PUM1: variants seen among roughly 807,000 people sequenced by gnomAD.
The protein encoded by PUM1 is pumilio homolog 1.
A neutral mutation model predicts 131.8 loss-of-function variants in PUM1; 13 were observed. The ratio of observed to expected loss-of-function variants is 0.10; its 90% confidence interval spans 0.06 to 0.16. PUM1 has a LOEUF of 0.16. Among genes scored for constraint, PUM1 ranks in the 10% least tolerant of loss-of-function variants. The pLI is 1.00. For synonymous variants in PUM1, 509 were observed against 556.5 expected (o/e 0.91, Z 1.20); for missense variants, 961 against 1,512.4 (o/e 0.64, Z 6.05).
intron 7 of PUM1, among the ~76,000 whole-genome samples, chr1:30,983,737 G>A (rs1641440977): frequency 6.7e-6 from 1 of 149,764 alleles, no homozygotes; most frequent in Non-Finnish European, 1.5e-5. Context: ...CCAAGTAGCT[G>A]CGCATGTCAC....
At chr1:31,024,108 A>T (rs906796909) in intron 3 of PUM1, among the ~76,000 whole-genome samples, 3 of 152,162 alleles carry the variant, frequency 2.0e-5, no homozygotes, top group Non-Finnish European at 2.9e-5. Flanking sequence ...CTTAGACCTG[A>T]AAAGGTCCTA....
chr1:30,941,356 C>T, intron 19 of PUM1, 84 bp from the exon 20 acceptor site: 2 of 1,396,956 alleles, frequency 1.4e-6, no homozygotes. Context: ...TAATTAAAAC[C>T]TGTCTTTCTT....
At chr1:31,021,804 G>C (rs141298210) in intron 3 of PUM1, among the ~76,000 whole-genome samples, 5 of 152,232 alleles carry the variant, frequency 3.3e-5, no homozygotes, top group Admixed American at 6.5e-5. Context: ...TAGGGGAGCT[G>C]ATATCTGAAG....
At chr1:30,941,386 T>C (rs1234559932) in intron 19 of PUM1, 114 bp from the exon 20 acceptor site, 1 of 1,097,222 alleles carries the variant, frequency 9.1e-7, no homozygotes, top group African/African-American at 1.6e-5. Flanking sequence ...TAACGGTTTA[T>C]ATGAATACTA....
In PUM1 at chr1:30,974,818, G is replaced by A. The variant is rs1293753381; in HGVS notation, c.1355-16C>T. The A allele has an allele frequency of 6.3e-7, 1 of 1,592,844 alleles. No homozygotes were observed. The highest frequency in any genetic ancestry group is 8.6e-7 in the Non-Finnish European group (1 of 1,168,222). The stretch of plus-strand genomic sequence containing the variant: ...ACAGCTGGGCCTAAAAATAGCAAAA[G>A]AAAGGTAAAGAAAGTCTGAACTACT... On this transcript the variant is annotated splice_polypyrimidine_tract_variant and intron_variant, in intron 9 of 21. Coordinates refer to ENST00000426105, the MANE Select transcript of PUM1 (RefSeq NM_001020658.2).
chr1:31,043,721 C>A (rs930783761), intron 2 of PUM1, among the ~76,000 whole-genome samples: 1 of 152,110 alleles, frequency 6.6e-6, no homozygotes, highest in African/African-American at 2.4e-5. Flanking sequence ...CTCCTCTTCC[C>A]GGGTTTGTAA....
chr1:30,935,521 A>G (rs1423005127), intron 21 of PUM1, among the ~76,000 whole-genome samples: 1 of 152,186 alleles, frequency 6.6e-6, no homozygotes, highest in Non-Finnish European at 1.5e-5. Flanking sequence ...ATGAATAGAC[A>G]TGTCTTAAGC....
chr1:30,961,695 C>T (rs1396244623), intron 14 of PUM1, among the ~76,000 whole-genome samples: 1 of 151,922 alleles, frequency 6.6e-6, no homozygotes, highest in Non-Finnish European at 1.5e-5. Context: ...ACATATCTGC[C>T]TCCTGGGACA....
At chr1:31,048,599 C>T (rs1252115280) in intron 2 of PUM1, among the ~76,000 whole-genome samples, 3 of 151,720 alleles carry the variant, frequency 2.0e-5, no homozygotes, top group African/African-American at 4.8e-5. Flanking sequence ...CTCAGCCTCC[C>T]AAGTAGCTGG....
chr1:31,038,983 TA>T (rs1201254477), intron 2 of PUM1, among the ~76,000 whole-genome samples: 130 of 37,530 alleles, frequency 3.5e-3, no homozygotes, highest in Middle Eastern at 0.032. Context: ...TATATATATA[TA>T]TTTTTTTTTT....
intron 2 of PUM1, among the ~76,000 whole-genome samples, chr1:31,039,222 A>T (rs63435262): frequency 1.4e-3 from 160 of 111,928 alleles, no homozygotes; most frequent in South Asian, 3.5e-3. Context: ...CAAAAAAAAA[A>T]TTTTTTTTTT....
chr1:31,016,808 A>C (rs1158260520), intron 3 of PUM1, among the ~76,000 whole-genome samples: 2 of 152,212 alleles, frequency 1.3e-5, no homozygotes, highest in Non-Finnish European at 2.9e-5. Flanking sequence ...TTTGGCTGAA[A>C]TCTAATATAC....
chr1:30,975,901 G>A lies in PUM1; in HGVS notation c.1355-1099C>T, dbSNP rs143625997. ...AGTTCGAGACCAGCCTGGCCAACAT[G>A]GTGAAACCCCATCTCTACTAAAAAA... is the stretch of plus-strand genomic sequence containing the variant. On this transcript the variant is annotated intron_variant, in intron 9 of 21. Coordinates refer to ENST00000426105, the MANE Select transcript of PUM1 (RefSeq NM_001020658.2). 2.8e-4 allele frequency among the ~76,000 whole-genome samples: 42 copies of A among 151,950 alleles called. No homozygotes were observed. The East Asian group carries it at 3.7e-3, about 13-fold the overall frequency.
intron 6 of PUM1, among the ~76,000 whole-genome samples, chr1:30,993,271 G>C (rs868226893): frequency 6.7e-6 from 1 of 149,968 alleles, no homozygotes; most frequent in East Asian, 2.0e-4. Flanking sequence ...CCCTGTTAAG[G>C]AGACAATTCT....
chr1:30,999,627 A>G (rs1371300988), intron 5 of PUM1, among the ~76,000 whole-genome samples: 1 of 148,142 alleles, frequency 6.8e-6, no homozygotes. Flanking sequence ...AAAAAAAAAA[A>G]AAAAAAAAAA....
chr1:31,005,844 C>A lies in PUM1; in HGVS notation c.720+9G>T, dbSNP rs1453793186. The A allele has an allele frequency of 1.3e-6, 2 of 1,573,246 alleles. No homozygotes were observed. Among genetic ancestry groups the A allele is most frequent in the East Asian group, 4.6e-5 (2 of 43,846 alleles). On this transcript the variant is annotated intron_variant, in intron 5 of 21. Coordinates refer to ENST00000426105, the MANE Select transcript of PUM1 (RefSeq NM_001020658.2). ...GAGAGATAGGAACAAGTTCCTCAAG[C>A]CAACTTACAAATCCTCCTTTTCTTA...
Position 30,992,380 on chromosome 1 carries a change from CA to C in PUM1, c.1158+9del. On this transcript the variant is annotated intron_variant, in intron 7 of 21. Transcript: ENST00000426105. The stretch of plus-strand genomic sequence containing the variant: ...GAGAGTAGAGAGGGTGACAGAGACA[CA>C]CACAGTACCTGTTGTTGAGAATTGT... 1 of 1,611,514 alleles carries C rather than the reference CA, an allele frequency of 6.2e-7. No individual in the cohort carries two copies. The highest frequency in any genetic ancestry group is 8.5e-7 in the Non-Finnish European group (1 of 1,178,576).
At chr1:30,973,933 C>T (rs994018192) in intron 10 of PUM1, among the ~76,000 whole-genome samples, 3 of 151,862 alleles carry the variant, frequency 2.0e-5, no homozygotes, top group African/African-American at 7.3e-5. Flanking sequence ...ACTAAAAATA[C>T]AAAAATTAGC....
intron 2 of PUM1, among the ~76,000 whole-genome samples, chr1:31,032,571 T>A (rs202195470): frequency 3.8e-4 from 55 of 144,622 alleles, no homozygotes; most frequent in South Asian, 1.1e-3. Context: ...ATCTTTTTTT[T>A]AAAAAAAAAA....
Sources: gnomAD v4.1 joint callset for allele counts (sites outside exome capture counted in the v4.1 genomes callset) on GRCh38, gnomAD v4.1.1 for gene constraint, MANE v1.5 for transcripts, NCBI Gene and HGNC (gene_info 2026-07-23, HGNC 2026-07-21) for gene names.